DOCK9: variants seen among roughly 807,000 people sequenced by gnomAD.
DOCK9 encodes dedicator of cytokinesis protein 9.
DOCK9 carries 89 observed loss-of-function variants against 263.3 expected under a neutral mutation model. That is an observed-to-expected ratio of 0.34 (90% CI 0.28 to 0.40). The LOEUF is 0.40. Among genes scored for constraint, DOCK9 ranks in the 10% least tolerant of loss-of-function variants. The pLI is 1.00. For missense variants in DOCK9, 2,140 were observed against 2,603.4 expected, an observed-to-expected ratio of 0.82 and a Z score of 3.87; for synonymous variants, 976 against 973.1, an observed-to-expected ratio of 1.00 and a Z score of -0.06.
chr13:98,855,428 C>T (rs894547886), intron 34 of DOCK9, among the ~76,000 whole-genome samples: 3 of 152,096 alleles, frequency 2.0e-5, no homozygotes, highest in African/African-American at 4.8e-5. Flanking sequence ...AAAAATTAGC[C>T]GGGCGTGGTG....
chr13:98,850,120 A>T lies in DOCK9; in HGVS notation c.3947-7T>A. 1 of 1,493,594 alleles carries T rather than the reference A, an allele frequency of 6.7e-7. No individual in the cohort carries two copies. Among genetic ancestry groups the T allele is most frequent in the Non-Finnish European group, 9.0e-7 (1 of 1,117,126 alleles). The allele number at this position is 1,493,594 out of a possible 1,614,324, so 92.5% of individuals were successfully genotyped here. On this transcript the variant is annotated splice_polypyrimidine_tract_variant and splice_region_variant and intron_variant, in intron 35 of 52. Transcript: ENST00000682017. ...CAATATGTAAACAAAGCATCTAGAAAATAAACATTTACTTAGAATCACAAT... is the reference window on the plus strand; with the variant it reads ...CAATATGTAAACAAAGCATCTAGAATATAAACATTTACTTAGAATCACAAT...
intron 8 of DOCK9, 60 bp from the exon 9 acceptor site, chr13:98,914,455 A>T: frequency 6.9e-7 from 1 of 1,457,284 alleles, no homozygotes; most frequent in Non-Finnish European, 9.4e-7. Flanking sequence ...CATTTGAAAC[A>T]GGAGGAGGAA....
chr13:98,826,814 GAGAATA>G lies in DOCK9; in HGVS notation c.5023+10_5023+15del, dbSNP rs1398266503. The stretch of plus-strand genomic sequence containing the variant: ...TATACTAATTAATTTCACAAAACAT[GAGAATA>G]ATTCCTTACCTTTCCGTGTGAGATA... On this transcript the variant is annotated intron_variant, in intron 44 of 52. Transcript: ENST00000682017. 3 of 1,594,400 alleles carry G rather than the reference GAGAATA, an allele frequency of 1.9e-6. No individual in the cohort carries two copies. The African/African-American group carries it at 4.0e-5, about 21-fold the overall frequency.
In DOCK9 at chr13:98,800,426, G is replaced by C. The variant is rs576995379; in HGVS notation, c.5778C>G (p.His1926Gln). The change falls in exon 50 of 53, where the codon CAC (histidine) becomes CAG (glutamine). Residue 1926 changes from histidine to glutamine, a missense_variant. Physicochemically the swap from His to Gln is conservative, Grantham distance 24. Around this residue, in one of 2 missense-constraint regions of DOCK9, gnomAD observed 619 missense variants for 861.8 expected, o/e 0.72. Coordinates refer to ENST00000682017, the MANE Select transcript of DOCK9 (RefSeq NM_001366683.2). ...CCTCGATGGGGTTCAGGTCAGTGTG[G>C]TGCTGGTACATGACAGGGATGCGCT... Reference protein sequence around the residue: ...VKKRIPVMYQHHTDLNPIEVA... With the variant: ...VKKRIPVMYQQHTDLNPIEVA... The C allele has an allele frequency of 6.2e-7, 1 of 1,613,902 alleles. No homozygotes were observed. The highest frequency in any genetic ancestry group is 1.3e-5 in the African/African-American group (1 of 74,914).
intron 32 of DOCK9, among the ~76,000 whole-genome samples, chr13:98,862,667 C>T (rs193158034): frequency 9.5e-4 from 142 of 149,364 alleles, no homozygotes; most frequent in Non-Finnish European, 1.5e-3. Context: ...CCAGCCTGGG[C>T]AACAGAGCAA....
intron 35 of DOCK9, among the ~76,000 whole-genome samples, chr13:98,851,664 T>C (rs1212655408): frequency 6.6e-6 from 1 of 152,190 alleles, no homozygotes; most frequent in African/African-American, 2.4e-5. Flanking sequence ...AAATGTGGAA[T>C]AAATGAAAGA....
At chr13:99,075,682 CTTTT>C (rs5806093) in intron 1 of DOCK9, among the ~76,000 whole-genome samples, 25 of 148,710 alleles carry the variant, frequency 1.7e-4, no homozygotes, top group Middle Eastern at 3.5e-3. Context: ...CTATTTATAA[CTTTT>C]TTTTTTTTTT....
At chr13:98,871,918 C>G (rs1292554604) in intron 27 of DOCK9, 1 of 153,112 alleles carries the variant, frequency 6.5e-6, no homozygotes, top group African/African-American at 2.4e-5. Flanking sequence ...GCTGGCTGCT[C>G]AGCGCCTACC....
At chr13:99,011,627 T>A (rs2141939079) in intron 1 of DOCK9, among the ~76,000 whole-genome samples, 1 of 152,260 alleles carries the variant, frequency 6.6e-6, no homozygotes, top group Admixed American at 6.5e-5. Flanking sequence ...TGCAAGACAA[T>A]CACCTAGGAA....
At chr13:99,023,558 G>C (rs1267296429) in intron 1 of DOCK9, among the ~76,000 whole-genome samples, 1 of 152,198 alleles carries the variant, frequency 6.6e-6, no homozygotes, top group African/African-American at 2.4e-5. Context: ...GAATGGTGAT[G>C]ATGGCTGCAC....
chr13:99,030,754 A>G (rs1887247992), intron 1 of DOCK9, among the ~76,000 whole-genome samples: 1 of 152,174 alleles, frequency 6.6e-6, no homozygotes, highest in South Asian at 2.1e-4. Context: ...CATGTACATC[A>G]CTGAAATTGT....
At chr13:98,975,775 A>G (rs12857151) in intron 1 of DOCK9, among the ~76,000 whole-genome samples, 22,617 of 152,272 alleles carry the variant, frequency 0.15, 2,416 homozygotes, top group East Asian at 0.43. Flanking sequence ...TGAATAAAGC[A>G]TGTTACCTAC....
chr13:98,854,074 C>T (rs1437040483), intron 34 of DOCK9, among the ~76,000 whole-genome samples: 5 of 152,100 alleles, frequency 3.3e-5, no homozygotes, highest in East Asian at 1.9e-4. Context: ...GGTGCCCAAC[C>T]GGGACAAACA....
chr13:98,833,989 A>G (rs1257129411), intron 39 of DOCK9, among the ~76,000 whole-genome samples: 2 of 152,230 alleles, frequency 1.3e-5, no homozygotes, highest in Non-Finnish European at 2.9e-5. Context: ...TTATCCCTAT[A>G]AACTCTTGCT....
intron 49 of DOCK9, among the ~76,000 whole-genome samples, chr13:98,802,200 T>C (rs1244090031): frequency 1.3e-5 from 2 of 152,236 alleles, no homozygotes; most frequent in Non-Finnish European, 2.9e-5. Context: ...GATCACGTTC[T>C]ACCACGGTTA....
At position 98,933,865 on chromosome 13, in the gene DOCK9, C is replaced by CTGTTGTTGT. The variant is rs71724333; in HGVS notation, c.244-3617_244-3609dup. Among the ~76,000 whole-genome samples the CTGTTGTTGT allele has an allele frequency of 9.4e-4, 140 of 149,038 alleles. 1 individual carries two copies. Among genetic ancestry groups the CTGTTGTTGT allele is most frequent in the Admixed American group, 4.4e-3 (66 of 14,902 alleles). On this transcript the variant is annotated intron_variant, in intron 2 of 52. Transcript: ENST00000682017. ...TGATGATCAGTTATAAACCTAGCCT[C>CTGTTGTTGT]TGTTGTTGTTGTTGTTGTTGTTGTT...
intron 38 of DOCK9, among the ~76,000 whole-genome samples, chr13:98,843,047 C>G (rs1356884379): frequency 6.6e-6 from 1 of 152,198 alleles, no homozygotes; most frequent in African/African-American, 2.4e-5. Context: ...CAAAGGATTC[C>G]GTTTCCCATG....
At chr13:99,040,206 CA>C (rs1226321659) in intron 1 of DOCK9, among the ~76,000 whole-genome samples, 2 of 152,128 alleles carry the variant, frequency 1.3e-5, no homozygotes, top group Non-Finnish European at 2.9e-5. Context: ...ATCTTCAAAC[CA>C]GCAAGAAAGC....
chr13:98,958,947 C>A (rs2058356921), intron 1 of DOCK9, among the ~76,000 whole-genome samples: 1 of 152,120 alleles, frequency 6.6e-6, no homozygotes, highest in Non-Finnish European at 1.5e-5. Flanking sequence ...CTGTTTCCCC[C>A]CAAGGTGTAT....
Sources: gnomAD v4.1 joint callset for allele counts (sites outside exome capture counted in the v4.1 genomes callset) on GRCh38, gnomAD v4.1.1 for gene constraint, gnomAD v4.1.1 regional missense constraint, MANE v1.5 for transcripts, NCBI Gene and HGNC (gene_info 2026-07-23, HGNC 2026-07-21) for gene names.